The following ADAMDEC1 variants were observed in gnomAD, a reference collection of about 807,000 sequenced individuals.
The protein encoded by ADAMDEC1 is ADAM like decysin 1.
In ADAMDEC1, 62 loss-of-function variants were observed where a neutral mutation model predicts 60.4. That is an observed-to-expected ratio of 1.03 (90% CI 0.84 to 1.27). The LOEUF (loss-of-function observed/expected upper bound fraction) is 1.27. Among genes scored for constraint, ADAMDEC1 ranks in the 50% most tolerant of loss-of-function variants. ADAMDEC1 has a pLI of 0.00. For synonymous variants in ADAMDEC1, 210 were observed against 195.1 expected (o/e 1.08, Z -0.64); for missense variants, 595 against 565.0 (o/e 1.05, Z -0.54).
chr8:24,394,704 C>T (rs938788559), intron 4 of ADAMDEC1, among the ~76,000 whole-genome samples: 3 of 152,028 alleles, frequency 2.0e-5, no homozygotes, highest in African/African-American at 7.3e-5. Flanking sequence ...TTCTCAGAGC[C>T]ATCCTACAAG....
chr8:24,398,327 C>T (rs1298750347), intron 7 of ADAMDEC1, among the ~76,000 whole-genome samples, 153 bp from the exon 8 acceptor site: 1 of 151,778 alleles, frequency 6.6e-6, no homozygotes, highest in African/African-American at 2.4e-5. Context: ...TAGAATTTGC[C>T]ACAATGCAGT....
chr8:24,397,427 C>G lies in ADAMDEC1; in HGVS notation c.598C>G (p.Arg200Gly). The change falls in exon 6 of 14, where the codon CGA (arginine) becomes GGA (glycine). Residue 200 changes from arginine to glycine, a missense_variant. Coordinates refer to ENST00000256412, the MANE Select transcript of ADAMDEC1 (RefSeq NM_014479.3). ...KSTDGKQGPIRISRSLKSPEK... is the reference protein window; with the variant it reads ...KSTDGKQGPIGISRSLKSPEK... The stretch of plus-strand genomic sequence containing the variant: ...CACTGACGGGAAACAAGGCCCAATT[C>G]GAATCTCTAGATCACTCAAAAGCCC... The G allele has an allele frequency of 1.2e-6, 2 of 1,613,916 alleles. No homozygotes were observed. The highest frequency in any genetic ancestry group is 1.7e-6 in the Non-Finnish European group (2 of 1,179,906).
chr8:24,393,254 G>T lies in ADAMDEC1; in HGVS notation c.208-8G>T, dbSNP rs201607374. 4.3e-5 allele frequency: 66 copies of T among 1,546,006 alleles called. No individual in the cohort carries two copies. The highest frequency in any genetic ancestry group is 5.5e-5 in the Non-Finnish European group (62 of 1,131,534). On this transcript the variant is annotated splice_region_variant and splice_polypyrimidine_tract_variant and intron_variant, in intron 2 of 13. Coordinates refer to ENST00000256412, the MANE Select transcript of ADAMDEC1 (RefSeq NM_014479.3). ...TATAAATTGCTTGATGTAATTAAAT[G>T]TTTTCAGGAAAGGTATGAACCTGAA...
intron 4 of ADAMDEC1, among the ~76,000 whole-genome samples, chr8:24,395,307 A>G (rs756214456): frequency 2.6e-5 from 4 of 152,190 alleles, no homozygotes; most frequent in Non-Finnish European, 4.4e-5. Context: ...CAGCACAGTG[A>G]AGCCAAATTC....
chr8:24,391,234 GT>G (rs1563352922), intron 1 of ADAMDEC1, among the ~76,000 whole-genome samples: 6 of 152,138 alleles, frequency 3.9e-5, no homozygotes, highest in African/African-American at 7.2e-5. Context: ...GTCATACTGA[GT>G]GGAAAACTGT....
chr8:24,391,984 T>A (rs563170922), intron 1 of ADAMDEC1, among the ~76,000 whole-genome samples: 1 of 152,048 alleles, frequency 6.6e-6, no homozygotes, highest in Non-Finnish European at 1.5e-5. Context: ...TTTCTGGGCA[T>A]GGTGGTCCAG....
Position 24,390,462 on chromosome 8 carries a change from C to A in ADAMDEC1, c.89-1800C>A, listed in dbSNP as rs138083652. On this transcript the variant is annotated intron_variant, in intron 1 of 13. Transcript: ENST00000256412. ...GTTGGGATGGGCACAATGGCTCATG[C>A]CTGTAATCCCAGCACTTTAGGAGGC... Among the ~76,000 whole-genome samples the A allele has an allele frequency of 4.0e-3, 610 of 152,264 alleles. 8 individuals carry two copies. The highest frequency in any genetic ancestry group is 0.017 in the Middle Eastern group (5 of 294).
chr8:24,400,338 C>G, intron 11 of ADAMDEC1, 38 bp downstream of exon 11: 1 of 1,560,274 alleles, frequency 6.4e-7, no homozygotes, highest in South Asian at 1.2e-5. Context: ...GAGATATTTT[C>G]CAAATCTTTT....
At chr8:24,384,674 A>G in intron 1 of ADAMDEC1, 82 bp downstream of exon 1, 2 of 1,288,562 alleles carry the variant, frequency 1.6e-6, no homozygotes, top group Non-Finnish European at 1.1e-6. Flanking sequence ...AAAAAATGGC[A>G]TATGTTTTTA....
Position 24,397,420 on chromosome 8 carries a change from C to T in ADAMDEC1, c.591C>T (p.Gly197=), listed in dbSNP as rs753030622. 1.2e-5 allele frequency: 19 copies of T among 1,613,814 alleles called. No individual in the cohort carries two copies. ...TGAAGAGCACTGACGGGAAACAAGG[C>T]CCAATTCGAATCTCTAGATCACTCA... ...CGVKSTDGKQ[G]PIRISRSLKS... is the part of the protein sequence containing the mutation. The change falls in exon 6 of 14, where the codon GGC becomes GGT. Residue 197 remains glycine (G), a synonymous_variant. Transcript: ENST00000256412.
chr8:24,392,396 G>C lies in ADAMDEC1; in HGVS notation c.207+16G>C, dbSNP rs140992974. On this transcript the variant is annotated intron_variant, in intron 2 of 13. Coordinates refer to ENST00000256412, the MANE Select transcript of ADAMDEC1 (RefSeq NM_014479.3). ...TGGCAAAGAGGTAAGCAAGGTGAAT[G>C]ACCGTGGTAGATGTTACAATCATCC... The C allele has an allele frequency of 0.012, 18,221 of 1,548,834 alleles. 149 individuals carry two copies. The highest frequency in any genetic ancestry group is 0.014 in the Non-Finnish European group (16,078 of 1,127,402).
intron 4 of ADAMDEC1, 27 bp downstream of exon 4, chr8:24,394,174 CTT>C (rs1563354406): frequency 6.4e-7 from 1 of 1,553,384 alleles, no homozygotes; most frequent in Non-Finnish European, 8.9e-7. Flanking sequence ...TTGTGGGTCT[CTT>C]TTGAGTTTTA....
chr8:24,388,245 A>G (rs1023311652), intron 1 of ADAMDEC1, among the ~76,000 whole-genome samples: 1 of 151,854 alleles, frequency 6.6e-6, no homozygotes, highest in Non-Finnish European at 1.5e-5. Context: ...TCCTTTCCCT[A>G]TAGTTTTTCC....
In ADAMDEC1 at chr8:24,402,042, G is replaced by A. The variant is rs1817778899; in HGVS notation, c.1270G>A (p.Gly424Arg). ...PTNIMTTPVCGNHLLEVGEDC... is the reference protein window; with the variant it reads ...PTNIMTTPVCRNHLLEVGEDC... The stretch of plus-strand genomic sequence containing the variant: ...AAATATAATGACAACACCAGTGTGT[G>A]GGAACCACCTTCTAGAAGTGGGAGA... The change falls in exon 12 of 14, where the codon GGG becomes AGG. Residue 424 changes from glycine (G) to arginine (R), a missense_variant. Coordinates refer to ENST00000256412, the MANE Select transcript of ADAMDEC1 (RefSeq NM_014479.3). 1 of 1,613,036 alleles carries A rather than the reference G, an allele frequency of 6.2e-7. No individual in the cohort carries two copies. Among genetic ancestry groups the A allele is most frequent in the South Asian group, 1.1e-5 (1 of 90,984 alleles).
chr8:24,404,881 C>T (rs1434207673), intron 13 of ADAMDEC1, among the ~76,000 whole-genome samples: 3 of 152,146 alleles, frequency 2.0e-5, no homozygotes, highest in African/African-American at 7.2e-5. Flanking sequence ...ATACAGCCTA[C>T]ATGAATCATG....
chr8:24,390,718 TCAAAACAAAA>T (rs10544922), intron 1 of ADAMDEC1, among the ~76,000 whole-genome samples: 3,515 of 150,634 alleles, frequency 0.023, 132 homozygotes, highest in African/African-American at 0.082. Context: ...AGACTCTGTC[TCAAAACAAAA>T]CAAAACAAAA....
chr8:24,389,039 C>T (rs771902618), intron 1 of ADAMDEC1, among the ~76,000 whole-genome samples: 1 of 152,060 alleles, frequency 6.6e-6, no homozygotes, highest in Non-Finnish European at 1.5e-5. Context: ...GATAGCATTA[C>T]AGTTGTTTGA....
rs1006352757 is a variant in ADAMDEC1, at chr8:24,397,277, T to G, written c.448T>G (p.Phe150Val). The change falls in exon 6 of 14, where the codon TTC becomes GTC. Residue 150 changes from phenylalanine to valine, a missense_variant. Phe to Val is a conservative substitution (Grantham distance 50, BLOSUM62 -1). Transcript: ENST00000256412. ...AGTCTCTATATCTCCCAGAGGATACTTCACACATCATCACCAAAGATACCA... is the reference window on the plus strand; with the variant it reads ...AGTCTCTATATCTCCCAGAGGATACGTCACACATCATCACCAAAGATACCA... ...ISTCDGLRGY[F>V]THHHQRYQIK... 3.7e-6 allele frequency: 6 copies of G among 1,612,578 alleles called. No homozygotes were observed. Among genetic ancestry groups the G allele is most frequent in the Non-Finnish European group, 5.1e-6 (6 of 1,179,504 alleles).
chr8:24,398,686 G>A, intron 8 of ADAMDEC1, 135 bp downstream of exon 8: 1 of 927,106 alleles, frequency 1.1e-6, no homozygotes, highest in Non-Finnish European at 1.6e-6. Context: ...AATTTTAGCA[G>A]AACAAGCATC....
Sources: allele counts gnomAD v4.1 joint callset (sites outside exome capture counted in the v4.1 genomes callset), GRCh38; gene constraint gnomAD v4.1.1; transcripts MANE v1.5; gene names NCBI Gene and HGNC (gene_info 2026-07-23, HGNC 2026-07-21).